Variants in NOCT observed in about 807,000 individuals in gnomAD.
The protein encoded by NOCT is CCR4 carbon catabolite repression 4-like.
NOCT carries 18 observed loss-of-function variants against 35.0 expected under a neutral mutation model. That is an observed-to-expected ratio of 0.51 (90% CI 0.36 to 0.76). NOCT has a LOEUF of 0.76. NOCT is among the 30% of genes least tolerant of loss of function. NOCT has a pLI of 0.01. For missense variants in NOCT, 479 were observed against 541.0 expected, an observed-to-expected ratio of 0.89 and a Z score of 1.14; for synonymous variants, 235 against 226.3, an observed-to-expected ratio of 1.04 and a Z score of -0.34.
intron 1 of NOCT, among the ~76,000 whole-genome samples, chr4:139,017,872 A>C (rs1327856862): frequency 6.6e-6 from 1 of 152,180 alleles, no homozygotes; most frequent in Non-Finnish European, 1.5e-5. Flanking sequence ...TGAAGCCAAG[A>C]CTTTAAACTA....
chr4:139,036,843 T>C (rs927410896), intron 1 of NOCT, among the ~76,000 whole-genome samples: 2 of 152,140 alleles, frequency 1.3e-5, no homozygotes, highest in Non-Finnish European at 2.9e-5. Flanking sequence ...TTAAGAAGAT[T>C]AGAGTGTTGC....
chr4:139,036,392 G>A (rs1726739383), intron 1 of NOCT, among the ~76,000 whole-genome samples: 1 of 152,116 alleles, frequency 6.6e-6, no homozygotes, highest in Non-Finnish European at 1.5e-5. Context: ...ACTGTGCCTG[G>A]CTCCAACTCA....
At chr4:139,016,230 C>T (rs1296656013) in intron 1 of NOCT, 59 bp downstream of exon 1, 3 of 1,107,522 alleles carry the variant, frequency 2.7e-6, no homozygotes, top group Non-Finnish European at 3.4e-6. Flanking sequence ...CGGCCGCCAC[C>T]TGGAGACCGC....
At position 139,045,509 on chromosome 4, in the gene NOCT, A is replaced by ATTTTTTTTTTTTTTTTTT. The variant is rs546346607; in HGVS notation, c.*43_*60dup. The ATTTTTTTTTTTTTTTTTT allele has an allele frequency of 3.5e-6, 1 of 289,550 alleles. No homozygotes were observed. The highest frequency in any genetic ancestry group is 5.6e-6 in the Non-Finnish European group (1 of 178,134). The allele number at this position is 289,550 out of a possible 1,614,324, so 17.9% of individuals were successfully genotyped here. ...TTTGTCTTTTTAATCACAGGAGTCT[A>ATTTTTTTTTTTTTTTTTT]TTTTTTTTTTTTTTTTTTTTTTTTT... On this transcript the variant is annotated 3_prime_UTR_variant, in exon 3 of 3. Coordinates refer to ENST00000280614, the MANE Select transcript of NOCT (RefSeq NM_012118.4).
intron 1 of NOCT, among the ~76,000 whole-genome samples, chr4:139,026,789 T>A (rs534037491): frequency 6.6e-6 from 1 of 151,828 alleles, no homozygotes; most frequent in South Asian, 2.1e-4. Context: ...TGACCTCAGG[T>A]GATCTGCTCG....
intron 1 of NOCT, among the ~76,000 whole-genome samples, chr4:139,041,958 T>C (rs1171517901): frequency 1.3e-5 from 2 of 152,112 alleles, no homozygotes; most frequent in Non-Finnish European, 2.9e-5. Context: ...GGGATCTGTA[T>C]AGATGAGATG....
At position 139,017,250 on chromosome 4, in the gene NOCT, G is replaced by C. The variant is rs1434688037; in HGVS notation, c.190+1079G>C. Among the ~76,000 whole-genome samples, 10 of 128,178 alleles carry C rather than the reference G, an allele frequency of 7.8e-5. No homozygotes were observed. The Admixed American group carries it at 8.7e-4, about 11-fold the overall frequency. 84.1% of individuals were successfully genotyped at this position (128,178 alleles called of 152,430 possible). A position where few individuals can be genotyped will look rare whatever the true frequency, so the allele number is the denominator to read the frequency against. On this transcript the variant is annotated intron_variant, in intron 1 of 2. Transcript: ENST00000280614. ...CTTTTTTTTTTTTTTTTTTTGAGACGGAGTTTTGCTCTTATTTCCCAGGCT... is the reference window on the plus strand; with the variant it reads ...CTTTTTTTTTTTTTTTTTTTGAGACCGAGTTTTGCTCTTATTTCCCAGGCT...
intron 1 of NOCT, among the ~76,000 whole-genome samples, chr4:139,041,120 A>G (rs1457274183): frequency 2.0e-5 from 3 of 152,200 alleles, no homozygotes; most frequent in Non-Finnish European, 4.4e-5. Context: ...GAAAATTAGT[A>G]TGTGTTCATT....
At position 139,045,206 on chromosome 4, in the gene NOCT, A is replaced by G. The variant is rs1397034488; in HGVS notation, c.1028A>G (p.Asn343Ser). 6.2e-7 allele frequency: 1 copy of G among 1,614,174 alleles called. No individual in the cohort carries two copies. The highest frequency in any genetic ancestry group is 1.1e-5 in the South Asian group (1 of 91,088). Residue 343 changes from asparagine (N) to serine (S), a missense_variant, in exon 3 of 3, where the codon AAC (asparagine) becomes AGC (serine). Asn to Ser is a conservative substitution (Grantham distance 46). Around this residue, in one of 2 missense-constraint regions of NOCT, gnomAD observed 214 missense variants for 284.0 expected, o/e 0.75. Transcript: ENST00000280614. ...VYKHFASSSL[N>S]LNSAYKLLSA... ...AAACACTTTGCTTCCTCCAGCCTCA[A>G]CCTGAACAGCGCCTACAAGCTGCTG...
chr4:139,026,243 A>T (rs766627950), intron 1 of NOCT, among the ~76,000 whole-genome samples: 1 of 152,136 alleles, frequency 6.6e-6, no homozygotes. Flanking sequence ...CAGGGATTAC[A>T]GGCATGCGCT....
rs1234174123 is a variant in NOCT, at chr4:139,043,245, G to A, written c.362G>A (p.Arg121Gln). The A allele has an allele frequency of 3.7e-6, 6 of 1,613,982 alleles. No homozygotes were observed. The highest frequency in any genetic ancestry group is 1.7e-5 in the Admixed American group (1 of 60,000). ...LEECRAVLHT[R>Q]PPRFQRDFVD... is the part of the protein sequence containing the mutation. ...GAATGCAGGGCCGTCCTGCACACCC[G>A]ACCTCCCCGGTTCCAGAGGGATTTT... is the stretch of plus-strand genomic sequence containing the variant. The change falls in exon 2 of 3, where the codon CGA becomes CAA. Residue 121 changes from arginine to glutamine, a missense_variant. Transcript: ENST00000280614.
In NOCT at chr4:139,043,980, G is replaced by GTATATATATATATA. The variant is rs59044230; in HGVS notation, c.460+648_461-635dup. On this transcript the variant is annotated intron_variant, in intron 2 of 2. Transcript: ENST00000280614. ...GTGAGACACTGTCTCAAAAAAATAT[G>GTATATATATATATA]TATATATATATATATATATATATAC... The GTATATATATATATA allele has an allele frequency of 1.0e-3, 135 of 135,376 alleles. 1 individual carries two copies. Among genetic ancestry groups the GTATATATATATATA allele is most frequent in the Middle Eastern group, 3.8e-3 (1 of 264 alleles). The allele number at this position is 135,376 out of a possible 1,614,324, so 8.4% of individuals were successfully genotyped here. A position where few individuals can be genotyped will look rare whatever the true frequency, so the allele number is the denominator to read the frequency against.
chr4:139,034,008 T>C (rs1259633777), intron 1 of NOCT, among the ~76,000 whole-genome samples: 1 of 152,138 alleles, frequency 6.6e-6, no homozygotes, highest in Non-Finnish European at 1.5e-5. Context: ...ATAGCACGTT[T>C]GAAATTGGCA....
rs77592090 is a variant in NOCT at position 139,045,292 on chromosome 4, T to A, written c.1114T>A (p.Cys372Ser). 6.2e-7 allele frequency: 1 copy of A among 1,613,766 alleles called. No individual in the cohort carries two copies. The highest frequency in any genetic ancestry group is 1.3e-5 in the African/African-American group (1 of 74,914). The change falls in exon 3 of 3, where the codon TGC becomes AGC. Residue 372 changes from cysteine (C) to serine (S), a missense_variant. Transcript: ENST00000280614. ...TTWKIRTSGECRHTLDYIWYS... is the reference protein window; with the variant it reads ...TTWKIRTSGESRHTLDYIWYS... ...CTGGAAGATCCGGACCTCAGGGGAG[T>A]GCAGGCACACCCTGGATTACATCTG...
intron 1 of NOCT, among the ~76,000 whole-genome samples, chr4:139,026,862 CTTTTTTTTTTTTTTTTTTTT>C (rs1165378672): frequency 0.031 from 3,687 of 120,078 alleles, 1,360 homozygotes; most frequent in Middle Eastern, 0.044. Flanking sequence ...TTTTTTTTTT[CTTTTTTTTTTTTTTTTTTTT>C]TTTTTTTTTT....
chr4:139,016,590 T>C (rs998555954), intron 1 of NOCT, among the ~76,000 whole-genome samples: 3 of 151,638 alleles, frequency 2.0e-5, no homozygotes, highest in East Asian at 1.9e-4. Flanking sequence ...GGTCTAGATA[T>C]TAAGTTTTTT....
In NOCT at chr4:139,015,789, C is replaced by G. The variant is rs975162662; in HGVS notation, c.-193C>G. 1 of 382,596 alleles carries G rather than the reference C, an allele frequency of 2.6e-6. No homozygotes were observed. Among genetic ancestry groups the G allele is most frequent in the East Asian group, 4.3e-5 (1 of 23,120 alleles). 23.7% of individuals were successfully genotyped at this position (382,596 alleles called of 1,614,324 possible). A position where few individuals can be genotyped will look rare whatever the true frequency, so the allele number is the denominator to read the frequency against. Reference sequence around the variant, plus strand: ...TCGCCAGGTCTCACAGCAGACGGTGCCGACGCAGCGGTGTTGCACCTCCCT... The same window carrying G: ...TCGCCAGGTCTCACAGCAGACGGTGGCGACGCAGCGGTGTTGCACCTCCCT... On this transcript the variant is annotated 5_prime_UTR_variant, in exon 1 of 3. Transcript: ENST00000280614.
At chr4:139,042,526 A>C (rs1008633591) in intron 1 of NOCT, among the ~76,000 whole-genome samples, 4 of 152,218 alleles carry the variant, frequency 2.6e-5, no homozygotes, top group Admixed American at 1.3e-4. Context: ...ATGAGTTTTC[A>C]TTGTTAATCA....
rs1726286958 is a variant in NOCT, at chr4:139,015,941, C to T, written c.-41C>T. 2.3e-6 allele frequency: 3 copies of T among 1,304,348 alleles called. No individual in the cohort carries two copies. The highest frequency in any genetic ancestry group is 2.9e-6 in the Non-Finnish European group (3 of 1,029,830). 80.8% of individuals were successfully genotyped at this position (1,304,348 alleles called of 1,614,324 possible). ...CCCTCGGCCCCAGCCGGGCTCCGCT[C>T]CTCGGGCGCGCGAGGGGCCGTGGTG... On this transcript the variant is annotated 5_prime_UTR_variant, in exon 1 of 3. Coordinates refer to ENST00000280614, the MANE Select transcript of NOCT (RefSeq NM_012118.4).
Sources: gnomAD v4.1 joint callset for allele counts (sites outside exome capture counted in the v4.1 genomes callset) on GRCh38, gnomAD v4.1.1 for gene constraint, gnomAD v4.1.1 regional missense constraint, MANE v1.5 for transcripts, NCBI Gene and HGNC (gene_info 2026-07-23, HGNC 2026-07-21) for gene names.